The following AFF3 variants were observed in gnomAD, a reference collection of about 807,000 sequenced individuals.
The protein encoded by AFF3 is ALF transcription elongation factor 3.
AFF3 carries 32 observed loss-of-function variants against 129.7 expected under a neutral mutation model. That is an observed-to-expected ratio of 0.25 (90% CI 0.19 to 0.33). AFF3 has a LOEUF of 0.33. AFF3 is among the 10% of genes least tolerant of loss of function. The pLI is 1.00. For missense variants in AFF3, 1,373 were observed against 1,592.0 expected (o/e 0.86, Z 2.34); for synonymous variants, 644 against 635.4 (o/e 1.01, Z -0.20).
intron 10 of AFF3, among the ~76,000 whole-genome samples, chr2:99,727,663 G>A (rs772026949): frequency 1.2e-4 from 18 of 151,144 alleles, no homozygotes; most frequent in Non-Finnish European, 2.2e-4. Context: ...CCGGGTTCAA[G>A]CAATTCTCCA....
chr2:99,940,602 C>T lies in AFF3; in HGVS notation c.873+66030G>A, dbSNP rs574225165. ...TGCCATGGCAATGTCAGGAAGTTAC[C>T]CTATATGGTCTAATAAGGGGAGGCA... is the stretch of plus-strand genomic sequence containing the variant. On this transcript the variant is annotated intron_variant, in intron 7 of 24. Coordinates refer to ENST00000672756, the MANE Select transcript of AFF3 (RefSeq NM_001386135.1). Among the ~76,000 whole-genome samples the T allele has an allele frequency of 2.1e-3, 319 of 152,292 alleles. 3 individuals are homozygous for T. The highest frequency in any genetic ancestry group is 7.3e-3 in the African/African-American group (305 of 41,564).
At chr2:99,576,458 C>A (rs2104759936) in intron 18 of AFF3, among the ~76,000 whole-genome samples, 1 of 148,660 alleles carries the variant, frequency 6.7e-6, no homozygotes, top group East Asian at 2.0e-4. Context: ...TGAGGCTGCA[C>A]TGAGCCATGC....
chr2:100,025,653 A>G (rs969434009), intron 4 of AFF3, among the ~76,000 whole-genome samples: 1 of 152,234 alleles, frequency 6.6e-6, no homozygotes, highest in Non-Finnish European at 1.5e-5. Flanking sequence ...AAACTATACT[A>G]TAAGGCCGTA....
intron 10 of AFF3, among the ~76,000 whole-genome samples, chr2:99,738,520 T>C (rs1699375507): frequency 6.6e-6 from 1 of 152,174 alleles, no homozygotes; most frequent in African/African-American, 2.4e-5. Context: ...GCAATTATAC[T>C]TGAAACTTTT....
chr2:100,073,150 T>A (rs1406103898), intron 4 of AFF3, among the ~76,000 whole-genome samples: 2 of 152,194 alleles, frequency 1.3e-5, no homozygotes, highest in Admixed American at 6.5e-5. Flanking sequence ...GATGCTGACA[T>A]CCTAATCTCC....
Position 99,964,402 on chromosome 2 carries a change from A to G in AFF3, c.873+42230T>C, listed in dbSNP as rs991002367. On this transcript the variant is annotated intron_variant, in intron 7 of 24. Transcript: ENST00000672756. The stretch of plus-strand genomic sequence containing the variant: ...ATTTGAAAGAACTAAAATCACACAG[A>G]GCATGTTCTCTAGATCATAACAAAA... Among the ~76,000 whole-genome samples, 4 of 152,208 alleles carry G rather than the reference A, an allele frequency of 2.6e-5. 1 individual carries two copies. The South Asian group carries it at 8.3e-4, about 32-fold the overall frequency.
In AFF3 at chr2:99,889,804, G is replaced by A. The variant is rs146340622; in HGVS notation, c.874-52280C>T. 9.9e-3 allele frequency among the ~76,000 whole-genome samples: 1,501 copies of A among 152,174 alleles called. 38 individuals are homozygous for A. Among genetic ancestry groups the A allele is most frequent in the Non-Finnish European group, 6.8e-3 (463 of 68,012 alleles). On this transcript the variant is annotated intron_variant, in intron 7 of 24. Transcript: ENST00000672756. ...CTCCTGAGTAGCTGGGATTATAGGC[G>A]TGTGCCACCACACCAGGCTAATTTT...
intron 7 of AFF3, among the ~76,000 whole-genome samples, chr2:99,887,287 T>C (rs760843586): frequency 6.6e-6 from 1 of 152,236 alleles, no homozygotes; most frequent in Non-Finnish European, 1.5e-5. Context: ...ACATACTCTA[T>C]TGTTTCCTCA....
Position 99,590,945 on chromosome 2 carries a change from A to G in AFF3, c.2466+2250T>C, listed in dbSNP as rs1050736293. 2.0e-5 allele frequency among the ~76,000 whole-genome samples: 3 copies of G among 150,994 alleles called. No individual in the cohort carries two copies. The South Asian group carries it at 6.4e-4, about 32-fold the overall frequency. ...GAGGCGGAGGTTGTGGTGAGCCAAG[A>G]TGGTGGAGCATCATTGCACTCCAGC... On this transcript the variant is annotated intron_variant, in intron 15 of 24. Transcript: ENST00000672756.
At chr2:100,015,738 C>A (rs971486376) in intron 4 of AFF3, among the ~76,000 whole-genome samples, 3 of 152,170 alleles carry the variant, frequency 2.0e-5, no homozygotes, top group Non-Finnish European at 4.4e-5. Context: ...GGGACAGAGG[C>A]AACTCAGACA....
chr2:99,962,828 A>G (rs1677359376), intron 7 of AFF3, among the ~76,000 whole-genome samples: 1 of 148,520 alleles, frequency 6.7e-6, no homozygotes, highest in Non-Finnish European at 1.5e-5. Flanking sequence ...GGGAAGAGGA[A>G]AGTATGGATG....
intron 7 of AFF3, among the ~76,000 whole-genome samples, chr2:99,968,294 T>A (rs1397933082): frequency 6.6e-6 from 1 of 152,206 alleles, no homozygotes; most frequent in Non-Finnish European, 1.5e-5. Flanking sequence ...CTTCCATTTT[T>A]AAAACATACT....
Position 99,775,948 on chromosome 2 carries a change from T to C in AFF3, c.922-23647A>G, listed in dbSNP as rs1018521185. Among the ~76,000 whole-genome samples, 98 of 152,310 alleles carry C rather than the reference T, an allele frequency of 6.4e-4. 1 individual carries two copies. The highest frequency in any genetic ancestry group is 2.2e-3 in the African/African-American group (92 of 41,568). Reference sequence around the variant, plus strand: ...AAGTCAATACCCACTGACCTAGTTGTGGTAGAACACTAGTTTAGTTCTGGG... The same window carrying C: ...AAGTCAATACCCACTGACCTAGTTGCGGTAGAACACTAGTTTAGTTCTGGG... On this transcript the variant is annotated intron_variant, in intron 8 of 24. Transcript: ENST00000672756.
intron 13 of AFF3, among the ~76,000 whole-genome samples, chr2:99,617,074 A>G (rs1681510040): frequency 6.6e-6 from 1 of 152,162 alleles, no homozygotes; most frequent in Non-Finnish European, 1.5e-5. Flanking sequence ...TGGACGTCGG[A>G]TTGTTTCCAT....
chr2:99,761,803 G>A (rs554684705), intron 8 of AFF3, among the ~76,000 whole-genome samples: 11 of 152,076 alleles, frequency 7.2e-5, no homozygotes, highest in Non-Finnish European at 1.0e-4. Flanking sequence ...GTTCCATCTC[G>A]AACACTTACT....
At chr2:99,740,026 T>C (rs1680584380) in intron 10 of AFF3, among the ~76,000 whole-genome samples, 3 of 142,628 alleles carry the variant, frequency 2.1e-5, no homozygotes. Context: ...TGTGTTCTCA[T>C]TGTTCAATTC....
intron 15 of AFF3, among the ~76,000 whole-genome samples, chr2:99,592,368 A>G (rs12712049): frequency 0.86 from 130,293 of 152,134 alleles, 55,922 homozygotes; most frequent in East Asian, 0.93. Context: ...CAATGCTAAC[A>G]GAAGCAACAG....
At chr2:99,814,683 C>A (rs906396062) in intron 8 of AFF3, among the ~76,000 whole-genome samples, 1 of 152,020 alleles carries the variant, frequency 6.6e-6, no homozygotes, top group Admixed American at 6.6e-5. Flanking sequence ...GCCAGGGCCC[C>A]AGCTAAAAAA....
intron 13 of AFF3, among the ~76,000 whole-genome samples, chr2:99,631,529 GCAA>G (rs976774555): frequency 1.3e-5 from 2 of 152,054 alleles, no homozygotes; most frequent in African/African-American, 4.8e-5. Flanking sequence ...CCAAGCCCTG[GCAA>G]CAACCATTCT....
Sources: gnomAD v4.1 joint callset for allele counts (sites outside exome capture counted in the v4.1 genomes callset) on GRCh38, gnomAD v4.1.1 for gene constraint, MANE v1.5 for transcripts, NCBI Gene and HGNC (gene_info 2026-07-23, HGNC 2026-07-21) for gene names.